RAP1A: variants seen among roughly 807,000 people sequenced by gnomAD.
The protein encoded by RAP1A is ras-related protein Rap-1A.
In RAP1A, 6 loss-of-function variants were observed where a neutral mutation model predicts 26.4. That is an observed-to-expected ratio of 0.23 (90% CI 0.12 to 0.45). The LOEUF is 0.45. RAP1A is among the 20% of genes least tolerant of loss of function. RAP1A has a pLI of 0.99. For missense variants in RAP1A, 121 were observed against 217.2 expected (o/e 0.56, Z 2.78); for synonymous variants, 73 against 79.4 (o/e 0.92, Z 0.43).
chr1:111,691,269 A>G, intron 1 of RAP1A, 65 bp from the exon 2 acceptor site: 1 of 1,148,438 alleles, frequency 8.7e-7, no homozygotes, highest in East Asian at 2.4e-5. Flanking sequence ...TGTTTGATGC[A>G]GTAGTGTACA....
intron 1 of RAP1A, among the ~76,000 whole-genome samples, chr1:111,624,305 C>T (rs1351170108): frequency 6.6e-6 from 1 of 152,038 alleles, no homozygotes; most frequent in African/African-American, 2.4e-5. Context: ...ATGAAGTGTC[C>T]ATTTTTTCTT....
intron 1 of RAP1A, among the ~76,000 whole-genome samples, chr1:111,633,574 G>A (rs989231584): frequency 2.0e-5 from 3 of 151,978 alleles, no homozygotes; most frequent in African/African-American, 7.3e-5. Context: ...AAGAAGCCTG[G>A]GACTTTAGTA....
rs987311962 is a variant in RAP1A, at chr1:111,713,681, A to T, written c.*1280A>T. On this transcript the variant is annotated 3_prime_UTR_variant, in exon 8 of 8. Transcript: ENST00000369709. ...TAGTATGGTAGTAGTAATATGGAAG[A>T]GATTGCTAAGTTAAAATTGTAGCTT... The T allele has an allele frequency of 2.0e-5, 3 of 152,240 alleles. No homozygotes were observed. The highest frequency in any genetic ancestry group is 4.4e-5 in the Non-Finnish European group (3 of 68,036). 9.4% of individuals were successfully genotyped at this position (152,240 alleles called of 1,614,324 possible).
rs1255051706 is a variant in RAP1A, at chr1:111,623,056, CA to C, written c.-28+3123del. ...TTTTTGAGACGGAGTCTTGCTCTGT[CA>C]TCCAGCCTGGTGTGCAGTGGTGCAA... On this transcript the variant is annotated intron_variant, in intron 1 of 7. Coordinates refer to ENST00000369709, the MANE Select transcript of RAP1A (RefSeq NM_002884.4). Among the ~76,000 whole-genome samples the C allele has an allele frequency of 3.3e-5, 5 of 152,188 alleles. No homozygotes were observed. The South Asian group carries it at 6.2e-4, about 19-fold the overall frequency.
At chr1:111,553,030 G>A (rs542486815) in intron 1 of RAP1A, among the ~76,000 whole-genome samples, 4 of 152,332 alleles carry the variant, frequency 2.6e-5, no homozygotes, top group African/African-American at 7.2e-5. Flanking sequence ...TGGAACTTAC[G>A]TGAAATGTCC....
intron 1 of RAP1A, chr1:111,604,638 T>C (rs1658736129): frequency 2.0e-5 from 3 of 152,400 alleles, no homozygotes; most frequent in Admixed American, 2.0e-4. Context: ...CCTTGTATTT[T>C]CATTTATCTT....
In RAP1A at chr1:111,637,922, G is replaced by A. The variant is rs555333208; in HGVS notation, c.-28+17988G>A. Reference sequence around the variant, plus strand: ...TCTGTAGGATAAATTCCAAAAAGTAGAATTACTTCATTCTGTACATTTTAA... The same window carrying A: ...TCTGTAGGATAAATTCCAAAAAGTAAAATTACTTCATTCTGTACATTTTAA... On this transcript the variant is annotated intron_variant, in intron 1 of 7. Transcript: ENST00000369709. Among the ~76,000 whole-genome samples, 50 of 152,106 alleles carry A rather than the reference G, an allele frequency of 3.3e-4. No individual in the cohort carries two copies. The South Asian group carries it at 9.8e-3, about 30-fold the overall frequency.
Position 111,714,070 on chromosome 1 carries a change from G to T in RAP1A, c.*1669G>T, listed in dbSNP as rs1662463453. ...TACTAAACTGAAATTTTAAAATCAG[G>T]TTTCAAATGTTAAGCTTTGACCAAC... On this transcript the variant is annotated 3_prime_UTR_variant, in exon 8 of 8. Coordinates refer to ENST00000369709, the MANE Select transcript of RAP1A (RefSeq NM_002884.4). 6.6e-6 allele frequency: 1 copy of T among 152,148 alleles called. No individual in the cohort carries two copies. 9.4% of individuals were successfully genotyped at this position (152,148 alleles called of 1,614,324 possible). A position where few individuals can be genotyped will look rare whatever the true frequency, so the allele number is the denominator to read the frequency against.
intron 1 of RAP1A, among the ~76,000 whole-genome samples, chr1:111,626,587 G>A (rs951367006): frequency 6.6e-5 from 10 of 152,148 alleles, no homozygotes; most frequent in Non-Finnish European, 1.5e-4. Flanking sequence ...CAAATAGCAT[G>A]CGTAAATGTG....
chr1:111,641,114 T>C (rs902267631), intron 1 of RAP1A, among the ~76,000 whole-genome samples: 3 of 152,246 alleles, frequency 2.0e-5, no homozygotes, highest in East Asian at 1.9e-4. Flanking sequence ...AAGTTTCCTG[T>C]AAAAACATGC....
intron 1 of RAP1A, among the ~76,000 whole-genome samples, chr1:111,638,317 A>G (rs944246605): frequency 6.6e-6 from 1 of 151,982 alleles, no homozygotes; most frequent in African/African-American, 2.4e-5. Context: ...GTTTTTGCGT[A>G]TGTCTTTGTT....
intron 1 of RAP1A, among the ~76,000 whole-genome samples, chr1:111,570,019 G>A (rs1658015127): frequency 6.6e-6 from 1 of 152,220 alleles, no homozygotes; most frequent in African/African-American, 2.4e-5. Flanking sequence ...TGAGTGCTAT[G>A]TCCTGACTGT....
At chr1:111,680,839 C>G (rs57793794) in intron 1 of RAP1A, 9,003 of 152,252 alleles carry the variant, frequency 0.059, 616 homozygotes, top group African/African-American at 0.16. Flanking sequence ...AAACAGAAAG[C>G]AATAACATCA....
chr1:111,620,088 G>A (rs1030039057), intron 1 of RAP1A, among the ~76,000 whole-genome samples, 154 bp downstream of exon 1: 35 of 152,070 alleles, frequency 2.3e-4, no homozygotes, highest in African/African-American at 8.4e-4. Flanking sequence ...CGGCCCGGGG[G>A]CCTGGCCGGC....
At chr1:111,578,931 C>T (rs1001170266) in intron 1 of RAP1A, among the ~76,000 whole-genome samples, 2 of 152,220 alleles carry the variant, frequency 1.3e-5, no homozygotes, top group Non-Finnish European at 2.9e-5. Context: ...TTCAGGGAAA[C>T]ATTTACCAGC....
At chr1:111,584,128 C>T (rs377082232) in intron 1 of RAP1A, among the ~76,000 whole-genome samples, 2 of 151,876 alleles carry the variant, frequency 1.3e-5, no homozygotes, top group East Asian at 1.9e-4. Context: ...GTGATCCACC[C>T]GCCTCGGCCT....
intron 2 of RAP1A, among the ~76,000 whole-genome samples, chr1:111,692,190 T>C (rs1004060081): frequency 2.6e-5 from 4 of 152,170 alleles, no homozygotes; most frequent in African/African-American, 7.2e-5. Context: ...GAAGGAGCTG[T>C]CAAGGATGGC....
At chr1:111,689,417 C>T (rs957413108) in intron 1 of RAP1A, among the ~76,000 whole-genome samples, 6 of 151,984 alleles carry the variant, frequency 3.9e-5, no homozygotes, top group Admixed American at 1.3e-4. Context: ...GTTGCTGTGT[C>T]TTCAGATCCC....
intron 1 of RAP1A, among the ~76,000 whole-genome samples, chr1:111,592,178 T>C (rs973373908): frequency 7.9e-5 from 12 of 152,198 alleles, no homozygotes; most frequent in African/African-American, 2.2e-4. Context: ...TCTAAAGAGA[T>C]TGGAACACAG....
Sources: allele counts gnomAD v4.1 joint callset (sites outside exome capture counted in the v4.1 genomes callset), GRCh38; gene constraint gnomAD v4.1.1; transcripts MANE v1.5; gene names NCBI Gene and HGNC (gene_info 2026-07-23, HGNC 2026-07-21).